The following SAMD5 variants were observed in gnomAD, a reference collection of about 807,000 sequenced individuals.
The protein encoded by SAMD5 is sterile alpha motif domain containing 5.
Under a neutral mutation model 11.3 loss-of-function variants are expected in SAMD5, and 13 were observed. That is an observed-to-expected ratio of 1.15 (90% confidence interval 0.75 to 1.83). The LOEUF (loss-of-function observed/expected upper bound fraction) is 1.83, where lower values mean the gene tolerates loss of function less well. SAMD5 is among the 40% of genes most tolerant of loss of function. The pLI, the probability that SAMD5 is intolerant of heterozygous loss-of-function variation, is 0.00. For synonymous variants in SAMD5, 129 were observed against 111.3 expected (o/e 1.16, Z -1.00); for missense variants, 255 against 239.1 (o/e 1.07, Z -0.44).
the SAMD5 span, among the ~76,000 whole-genome samples, chr6:147,884,676 G>A: frequency 6.6e-6 from 1 of 152,122 alleles, no homozygotes; most frequent in Non-Finnish European, 1.5e-5. Flanking sequence ...TTGTCTTCAT[G>A]ATATAGGTGG....
chr6:147,561,427 T>G (rs1187423239), intron 1 of SAMD5, among the ~76,000 whole-genome samples: 1 of 152,150 alleles, frequency 6.6e-6, no homozygotes, highest in African/African-American at 2.4e-5. Flanking sequence ...ACCTACCTTG[T>G]GATCTGCCTG....
chr6:147,807,957 A>G, the SAMD5 span, among the ~76,000 whole-genome samples: 1 of 152,192 alleles, frequency 6.6e-6, no homozygotes, highest in Non-Finnish European at 1.5e-5. Flanking sequence ...TTAGTGGTGT[A>G]TATACAGGTA....
chr6:147,531,370 C>T (rs1011907634), intron 1 of SAMD5, among the ~76,000 whole-genome samples: 1 of 152,134 alleles, frequency 6.6e-6, no homozygotes, highest in Admixed American at 6.6e-5. Flanking sequence ...ATTTCAAAAT[C>T]CTGCCCAAAA....
At chr6:147,631,056 G>A (rs1221187622) in intron 1 of SAMD5, among the ~76,000 whole-genome samples, 2 of 152,146 alleles carry the variant, frequency 1.3e-5, no homozygotes, top group South Asian at 4.2e-4. Flanking sequence ...GAGATAATGG[G>A]CGATGTTTCT....
At chr6:147,750,895 C>T in the SAMD5 span, among the ~76,000 whole-genome samples, 1 of 152,278 alleles carries the variant, frequency 6.6e-6, no homozygotes, top group Non-Finnish European at 1.5e-5. Context: ...GCACTCCAGC[C>T]TGGTGACATT....
chr6:147,827,616 CG>C, the SAMD5 span, among the ~76,000 whole-genome samples: 12 of 152,106 alleles, frequency 7.9e-5, no homozygotes, highest in Non-Finnish European at 1.3e-4. Context: ...TATGCAGTGT[CG>C]ATGGCTCTCA....
the SAMD5 span, among the ~76,000 whole-genome samples, chr6:147,819,327 G>T: frequency 1.2e-3 from 178 of 152,220 alleles, 4 homozygotes; most frequent in East Asian, 0.033. Flanking sequence ...GGCCTACTTG[G>T]GGGTGGAGGA....
At chr6:147,745,751 G>A in the SAMD5 span, among the ~76,000 whole-genome samples, 1 of 150,960 alleles carries the variant, frequency 6.6e-6, no homozygotes, top group Non-Finnish European at 1.5e-5. Flanking sequence ...TACTAGCTGT[G>A]TGCCTCTGGG....
chr6:147,512,655 C>G (rs1788107851), intron 1 of SAMD5, among the ~76,000 whole-genome samples: 1 of 152,178 alleles, frequency 6.6e-6, no homozygotes, highest in Admixed American at 6.5e-5. Flanking sequence ...AAGAGTTCCT[C>G]TTCTGCCCTG....
At chr6:147,934,549 TA>T in the SAMD5 span, among the ~76,000 whole-genome samples, 1 of 151,596 alleles carries the variant, frequency 6.6e-6, no homozygotes, top group Non-Finnish European at 1.5e-5. Flanking sequence ...CCCAGATAGG[TA>T]AGGGGTAATG....
intron 1 of SAMD5, among the ~76,000 whole-genome samples, chr6:147,525,576 C>T (rs1788324960): frequency 6.6e-6 from 1 of 151,932 alleles, no homozygotes; most frequent in Admixed American, 6.6e-5. Flanking sequence ...TGTGACTTGG[C>T]ATTGTTGTTA....
At chr6:147,824,915 T>C in the SAMD5 span, among the ~76,000 whole-genome samples, 50 of 152,322 alleles carry the variant, frequency 3.3e-4, no homozygotes, top group Admixed American at 8.5e-4. Flanking sequence ...TCTTAGATTG[T>C]GCACTGTAGT....
chr6:147,846,332 A>T, the SAMD5 span, among the ~76,000 whole-genome samples: 1 of 152,308 alleles, frequency 6.6e-6, no homozygotes, highest in East Asian at 1.9e-4. Context: ...TATTTAATTA[A>T]ATTGCATAGA....
At chr6:147,744,406 G>A in the SAMD5 span, among the ~76,000 whole-genome samples, 1 of 152,168 alleles carries the variant, frequency 6.6e-6, no homozygotes, top group African/African-American at 2.4e-5. Context: ...GGATAAAAGT[G>A]TAACAAATGT....
chr6:147,624,219 GT>G (rs1790014977), intron 1 of SAMD5, among the ~76,000 whole-genome samples: 1 of 152,184 alleles, frequency 6.6e-6, no homozygotes, highest in East Asian at 1.9e-4. Context: ...AGAAACCCCA[GT>G]TAGGCTTGTA....
chr6:147,750,662 C>T, the SAMD5 span, among the ~76,000 whole-genome samples: 13 of 152,294 alleles, frequency 8.5e-5, no homozygotes, highest in South Asian at 1.2e-3. Context: ...CAGTGGCTAA[C>T]GCCTGTAATC....
At chr6:147,856,807 G>C in the SAMD5 span, among the ~76,000 whole-genome samples, 1 of 110,644 alleles carries the variant, frequency 9.0e-6, no homozygotes, top group Non-Finnish European at 1.8e-5. Context: ...TAATGACTTA[G>C]TTTTCTGGGG....
intron 1 of SAMD5, among the ~76,000 whole-genome samples, chr6:147,705,428 T>G (rs772767221): frequency 3.3e-5 from 5 of 152,004 alleles, no homozygotes; most frequent in Non-Finnish European, 5.9e-5. Flanking sequence ...AATTTATTGA[T>G]GCATCTATCC....
the SAMD5 span, among the ~76,000 whole-genome samples, chr6:147,936,355 C>T: frequency 1.3e-5 from 2 of 150,986 alleles, no homozygotes; most frequent in Non-Finnish European, 2.9e-5. Context: ...GCATCTGCTT[C>T]TGGGGAGGCC....
Sources: gnomAD v4.1 joint callset for allele counts (sites outside exome capture counted in the v4.1 genomes callset) on GRCh38, gnomAD v4.1.1 for gene constraint, MANE v1.5 for transcripts, NCBI Gene and HGNC (gene_info 2026-07-23, HGNC 2026-07-21) for gene names.